The following MROH2A variants were observed in gnomAD, a reference collection of about 807,000 sequenced individuals.
MROH2A encodes maestro heat-like repeat-containing protein family member 2A.
A neutral mutation model predicts 200.4 loss-of-function variants in MROH2A; 174 were observed. That is an observed-to-expected ratio of 0.87 (90% CI 0.77 to 0.98). The LOEUF (loss-of-function observed/expected upper bound fraction) is 0.98. Among genes scored for constraint, MROH2A ranks in the 50% least tolerant of loss-of-function variants. The pLI, the probability that MROH2A is intolerant of heterozygous loss-of-function variation, is 0.00. For synonymous variants in MROH2A, 829 were observed against 840.4 expected (o/e 0.99, Z 0.23); for missense variants, 2,045 against 2,139.6 (o/e 0.96, Z 0.87).
intron 27 of MROH2A, among the ~76,000 whole-genome samples, 166 bp downstream of exon 27, chr2:233,817,051 G>T (rs1241362061): frequency 6.6e-6 from 1 of 152,178 alleles, no homozygotes; most frequent in Non-Finnish European, 1.5e-5. Flanking sequence ...GGTCAGGGAG[G>T]GAGAGGGTGG....
chr2:233,817,948 C>T, intron 27 of MROH2A, 54 bp from the exon 28 acceptor site: 1 of 1,547,424 alleles, frequency 6.5e-7, no homozygotes, highest in African/African-American at 1.4e-5. Context: ...CTGGGCAGCC[C>T]CAGGTGTGCA....
At chr2:233,785,802 A>AG (rs1372174736) in intron 3 of MROH2A, among the ~76,000 whole-genome samples, 1 of 152,016 alleles carries the variant, frequency 6.6e-6, no homozygotes, top group African/African-American at 2.4e-5. Flanking sequence ...TGATTGGGAG[A>AG]GGGGCTCTGT....
At position 233,812,430 on chromosome 2, in the gene MROH2A, G is replaced by C. The variant is rs527634025; in HGVS notation, c.2651+471G>C. Among the ~76,000 whole-genome samples, 11 of 152,254 alleles carry C rather than the reference G, an allele frequency of 7.2e-5. No homozygotes were observed. The East Asian group carries it at 2.1e-3, about 29-fold the overall frequency. On this transcript the variant is annotated intron_variant, in intron 24 of 41. Coordinates refer to ENST00000389758, the MANE Select transcript of MROH2A (RefSeq NM_001394639.1). ...GGAGGGGGAAAGGGGAAGAAGTTAT[G>C]GATTTATAAAATTAGTATTTAAAGA...
At chr2:233,816,700 T>C in intron 26 of MROH2A, 81 bp from the exon 27 acceptor site, 1 of 839,882 alleles carries the variant, frequency 1.2e-6, no homozygotes. Flanking sequence ...AGTAGGAGGG[T>C]GAGGTGGGCA....
intron 39 of MROH2A, 81 bp downstream of exon 39, chr2:233,831,621 C>G: frequency 1.4e-6 from 2 of 1,454,006 alleles, no homozygotes; most frequent in Non-Finnish European, 1.8e-6. Flanking sequence ...ATTGCCACAG[C>G]TCTTTCTTGG....
At chr2:233,779,243 A>T (rs1165198549) in intron 1 of MROH2A, 102 bp from the exon 2 acceptor site, 2 of 708,748 alleles carry the variant, frequency 2.8e-6, no homozygotes, top group African/African-American at 3.6e-5. Flanking sequence ...TTCCACCCAC[A>T]CACCCTCAAG....
chr2:233,779,093 T>C (rs937665813), intron 1 of MROH2A, among the ~76,000 whole-genome samples: 5 of 152,202 alleles, frequency 3.3e-5, no homozygotes, highest in African/African-American at 1.2e-4. Flanking sequence ...TTCTGTTCAA[T>C]CTGATAAGAG....
In MROH2A at chr2:233,787,585, AC is replaced by A. The variant is rs55759818; in HGVS notation, c.277-1911del. 1.1e-4 allele frequency among the ~76,000 whole-genome samples: 4 copies of A among 36,226 alleles called. 1 individual carries two copies. The highest frequency in any genetic ancestry group is 2.3e-3 in the East Asian group (2 of 882). The allele number at this position is 36,226 out of a possible 152,430, so 23.8% of individuals were successfully genotyped here. On this transcript the variant is annotated intron_variant, in intron 3 of 41. Coordinates refer to ENST00000389758, the MANE Select transcript of MROH2A (RefSeq NM_001394639.1). Reference sequence around the variant, plus strand: ...CATATATATTATATATATCATATATACATATATATATTATATATTATATATA... The same window carrying A: ...CATATATATTATATATATCATATATAATATATATATTATATATTATATATA...
At chr2:233,797,968 G>A (rs1052711772) in intron 11 of MROH2A, among the ~76,000 whole-genome samples, 4 of 152,138 alleles carry the variant, frequency 2.6e-5, no homozygotes, top group African/African-American at 9.7e-5. Context: ...GAAACAGTTT[G>A]CATCTTCAAG....
At chr2:233,779,281 C>G in intron 1 of MROH2A, 64 bp from the exon 2 acceptor site, 5 of 998,132 alleles carry the variant, frequency 5.0e-6, no homozygotes, top group African/African-American at 1.6e-5. Context: ...GGGTGTGGGT[C>G]GTTGGGGTCA....
Position 233,779,775 on chromosome 2 carries a change from G to T in MROH2A, c.199G>T (p.Val67Leu), listed in dbSNP as rs1027387250. 1.3e-6 allele frequency: 2 copies of T among 1,550,764 alleles called. No individual in the cohort carries two copies. Among genetic ancestry groups the T allele is most frequent in the Non-Finnish European group, 1.7e-6 (2 of 1,147,050 alleles). Reference sequence around the variant, plus strand: ...TGACATGCGGAAGACCCTGGCCTCGGTGATAATCATGGAGAAGGCCACCAC... The same window carrying T: ...TGACATGCGGAAGACCCTGGCCTCGTTGATAATCATGGAGAAGGCCACCAC... ...GLDMRKTLAS[V>L]IIMEKATTEP... Residue 67 changes from valine (V) to leucine (L), a missense_variant, in exon 3 of 42, where the codon GTG becomes TTG. Coordinates refer to ENST00000389758, the MANE Select transcript of MROH2A (RefSeq NM_001394639.1).
At position 233,832,383 on chromosome 2, in the gene MROH2A, A is replaced by G. The variant is rs894276749; in HGVS notation, c.4837+104A>G. ...GATCATGAGTGGGAGGCATGTGGCA[A>G]GCTGAGACCAGAGCTCAGGTCTAAG... On this transcript the variant is annotated intron_variant, in intron 40 of 41. Coordinates refer to ENST00000389758, the MANE Select transcript of MROH2A (RefSeq NM_001394639.1). The G allele has an allele frequency of 1.5e-4, 125 of 843,138 alleles. No homozygotes were observed. The African/African-American group carries it at 4.4e-3, about 30-fold the overall frequency. 52.2% of individuals were successfully genotyped at this position (843,138 alleles called of 1,614,324 possible). A position where few individuals can be genotyped will look rare whatever the true frequency, so the allele number is the denominator to read the frequency against.
At chr2:233,804,367 A>G in intron 17 of MROH2A, 128 bp from the exon 18 acceptor site, 2 of 1,303,240 alleles carry the variant, frequency 1.5e-6, no homozygotes, top group Non-Finnish European at 2.1e-6. Flanking sequence ...GTGCAATGCA[A>G]CGTGTGATGT....
At chr2:233,801,996 C>A (rs910794564) in intron 14 of MROH2A, among the ~76,000 whole-genome samples, 172 bp from the exon 15 acceptor site, 1 of 152,194 alleles carries the variant, frequency 6.6e-6, no homozygotes, top group Non-Finnish European at 1.5e-5. Flanking sequence ...CACTTAAATG[C>A]CCCTGACAAA....
At chr2:233,782,414 T>C (rs567591472) in intron 3 of MROH2A, among the ~76,000 whole-genome samples, 8 of 152,350 alleles carry the variant, frequency 5.3e-5, no homozygotes, top group African/African-American at 1.9e-4. Flanking sequence ...ATCTTTCACT[T>C]CTTTGGTTAA....
chr2:233,822,491 G>A lies in MROH2A; in HGVS notation c.3801G>A (p.Pro1267=), dbSNP rs764413682. 52 of 1,550,538 alleles carry A rather than the reference G, an allele frequency of 3.4e-5. No individual in the cohort carries two copies. The African/African-American group carries it at 4.1e-4, about 12-fold the overall frequency. Residue 1267 remains proline (P), a synonymous_variant, in exon 33 of 42, where the codon CCG becomes CCA. Coordinates refer to ENST00000389758, the MANE Select transcript of MROH2A (RefSeq NM_001394639.1). ...GCAGCCACCGACCAGAGGCCGCCCC[G>A]CCGGTCTTGAAGATGTGGAAGCTGG... ...LGSSHRPEAA[P]PVLKMWKLVH...
In MROH2A at chr2:233,795,572, G is replaced by A. The variant is rs144580551; in HGVS notation, c.967-81G>A. The A allele has an allele frequency of 3.7e-4, 570 of 1,546,346 alleles. 1 individual carries two copies. The African/African-American group carries it at 6.9e-3, about 19-fold the overall frequency. ...GAATGCTGGTGCTCAGTGGGTCAGT[G>A]GGCCCCTGAGTAGCGAGGGTCTAGA... is the stretch of plus-strand genomic sequence containing the variant. On this transcript the variant is annotated intron_variant, in intron 8 of 41. Coordinates refer to ENST00000389758, the MANE Select transcript of MROH2A (RefSeq NM_001394639.1).
Position 233,833,325 on chromosome 2 carries a change from T to G in MROH2A, c.*66T>G. 1 of 1,431,324 alleles carries G rather than the reference T, an allele frequency of 7.0e-7. No individual in the cohort carries two copies. 88.7% of individuals were successfully genotyped at this position (1,431,324 alleles called of 1,614,324 possible). On this transcript the variant is annotated 3_prime_UTR_variant, in exon 42 of 42. Coordinates refer to ENST00000389758, the MANE Select transcript of MROH2A (RefSeq NM_001394639.1). Reference sequence around the variant, plus strand: ...AATGCAAGCCCTTTTTAATTTAGTTTGTAAGAAGTTTAGTTTGTAGGAAAA... The same window carrying G: ...AATGCAAGCCCTTTTTAATTTAGTTGGTAAGAAGTTTAGTTTGTAGGAAAA...
Position 233,822,131 on chromosome 2 carries a change from G to C in MROH2A, c.3520G>C (p.Ala1174Pro), listed in dbSNP as rs1703978718. The stretch of plus-strand genomic sequence containing the variant: ...TGCCCTGACTTTGGTTAGCCACCTG[G>C]CAGAGGTGTGGCTGGCAGTGTCGGA... Reference protein sequence around the residue: ...RQPLPMESHLAEVWLAVSENV... With the variant: ...RQPLPMESHLPEVWLAVSENV... Residue 1174 changes from alanine to proline, a missense_variant, in exon 32 of 42, where the codon GCA becomes CCA. By Grantham distance (27) the Ala-to-Pro change is conservative. Around this residue, in one of 3 missense-constraint regions of MROH2A, gnomAD observed 1,201 missense variants for 1,311.3 expected, o/e 0.92. Transcript: ENST00000389758. The C allele has an allele frequency of 6.5e-7, 1 of 1,549,004 alleles. No homozygotes were observed. The highest frequency in any genetic ancestry group is 1.4e-5 in the African/African-American group (1 of 73,040).
Sources: allele counts gnomAD v4.1 joint callset (sites outside exome capture counted in the v4.1 genomes callset), GRCh38; gene constraint gnomAD v4.1.1; regional missense constraint gnomAD v4.1.1; transcripts MANE v1.5; gene names NCBI Gene and HGNC (gene_info 2026-07-23, HGNC 2026-07-21).